The following PRKG2 variants were observed in gnomAD, a reference collection of about 807,000 sequenced individuals.
The protein encoded by PRKG2 is cGMP-dependent protein kinase 2.
PRKG2 carries 33 observed loss-of-function variants against 97.2 expected under a neutral mutation model. The ratio of observed to expected loss-of-function variants is 0.34; its 90% CI spans 0.26 to 0.45. The LOEUF (loss-of-function observed/expected upper bound fraction) is 0.45. PRKG2 is among the 20% of genes least tolerant of loss of function. The probability of loss-of-function intolerance (pLI) is 1.00; values close to 1 mark genes in which losing one functional copy is unlikely to be tolerated. For synonymous variants in PRKG2, 330 were observed against 321.8 expected, an observed-to-expected ratio of 1.03 and a Z score of -0.27; for missense variants, 638 against 900.0, an observed-to-expected ratio of 0.71 and a Z score of 3.73.
At chr4:81,190,645 C>G (rs564994526) in intron 2 of PRKG2, among the ~76,000 whole-genome samples, 96 of 152,210 alleles carry the variant, frequency 6.3e-4, no homozygotes, top group African/African-American at 2.1e-3. Flanking sequence ...TCAGAATGAA[C>G]AGGCAACCTA....
At chr4:81,148,260 CTTCA>C (rs1014829397) in intron 9 of PRKG2, among the ~76,000 whole-genome samples, 11 of 151,966 alleles carry the variant, frequency 7.2e-5, no homozygotes, top group Admixed American at 2.0e-4. Flanking sequence ...ACTGAATTTC[CTTCA>C]TTTTGTCAAG....
chr4:81,212,750 A>T (rs995744304), intron 1 of PRKG2, among the ~76,000 whole-genome samples: 5 of 152,192 alleles, frequency 3.3e-5, no homozygotes, highest in African/African-American at 9.7e-5. Flanking sequence ...AGTGCCCAGG[A>T]TATTAGCGAT....
At chr4:81,091,245 T>A (rs1324437627) in intron 18 of PRKG2, among the ~76,000 whole-genome samples, 1 of 152,072 alleles carries the variant, frequency 6.6e-6, no homozygotes, top group Non-Finnish European at 1.5e-5. Flanking sequence ...AGTAGACATG[T>A]TTAAAGGAAT....
At chr4:81,095,443 A>C (rs1024463479) in intron 17 of PRKG2, among the ~76,000 whole-genome samples, 3 of 152,312 alleles carry the variant, frequency 2.0e-5, no homozygotes, top group South Asian at 4.1e-4. Flanking sequence ...CAAATATGGC[A>C]ACAATTCCTT....
intron 15 of PRKG2, among the ~76,000 whole-genome samples, chr4:81,106,479 A>G (rs1404780765): frequency 1.3e-5 from 2 of 152,168 alleles, no homozygotes; most frequent in Non-Finnish European, 2.9e-5. Context: ...GGGCTATCAG[A>G]AGGACCTGGG....
chr4:81,167,294 C>T (rs1041507167), intron 5 of PRKG2, 70 bp from the exon 6 acceptor site: 2 of 981,328 alleles, frequency 2.0e-6, no homozygotes, highest in Admixed American at 6.0e-5. Context: ...TATGCAGATT[C>T]TAAAATCTTT....
rs1336258256 is a variant in PRKG2 at position 81,105,714 on chromosome 4, C to T, written c.2063+99G>A. 5 of 1,497,888 alleles carry T rather than the reference C, an allele frequency of 3.3e-6. No individual in the cohort carries two copies. The South Asian group carries it at 5.4e-5, about 16-fold the overall frequency. 92.8% of individuals were successfully genotyped at this position (1,497,888 alleles called of 1,614,324 possible). Reference sequence around the variant, plus strand: ...ATAATTTGCCTATATAAAAACAGCACAAAAAGTAAATATGCACCTAATTTT... The same window carrying T: ...ATAATTTGCCTATATAAAAACAGCATAAAAAGTAAATATGCACCTAATTTT... On this transcript the variant is annotated intron_variant, in intron 16 of 18. Coordinates refer to ENST00000264399, the MANE Select transcript of PRKG2 (RefSeq NM_006259.3).
At chr4:81,156,711 A>G (rs1317809009) in intron 6 of PRKG2, among the ~76,000 whole-genome samples, 4 of 152,220 alleles carry the variant, frequency 2.6e-5, no homozygotes, top group African/African-American at 9.6e-5. Flanking sequence ...GTAAAAGAAC[A>G]GAAATTATAA....
chr4:81,148,029 A>C (rs1377454116), intron 9 of PRKG2, among the ~76,000 whole-genome samples: 2 of 152,086 alleles, frequency 1.3e-5, no homozygotes, highest in African/African-American at 4.8e-5. Flanking sequence ...GATATGTTTA[A>C]AATTTTCTAT....
chr4:81,191,239 A>G (rs914978173), intron 2 of PRKG2, among the ~76,000 whole-genome samples: 1 of 152,214 alleles, frequency 6.6e-6, no homozygotes, highest in African/African-American at 2.4e-5. Context: ...TACACCACGG[A>G]ATACTATGCA....
chr4:81,200,968 T>C (rs77071127), intron 2 of PRKG2, among the ~76,000 whole-genome samples: 10,497 of 152,130 alleles, frequency 0.069, 598 homozygotes, highest in East Asian at 0.31. Flanking sequence ...ATACTGCAGG[T>C]TGGGTGCAGC....
intron 14 of PRKG2, among the ~76,000 whole-genome samples, chr4:81,125,572 T>G (rs1220593282): frequency 6.6e-6 from 1 of 152,204 alleles, no homozygotes; most frequent in East Asian, 1.9e-4. Flanking sequence ...AAAGTTGTTA[T>G]AAAATTTGTG....
At position 81,106,172 on chromosome 4, in the gene PRKG2, T is replaced by C. The variant is rs78032096; in HGVS notation, c.1941-237A>G. 4.1e-3 allele frequency among the ~76,000 whole-genome samples: 619 copies of C among 152,276 alleles called. 5 individuals carry two copies. Among genetic ancestry groups the C allele is most frequent in the African/African-American group, 0.014 (594 of 41,548 alleles). On this transcript the variant is annotated intron_variant, in intron 15 of 18. Transcript: ENST00000264399. Reference sequence around the variant, plus strand: ...ATACAGGTAATTGGTCATGTGTCGATAATCACTAATAATAAAATAAAGAAA... The same window carrying C: ...ATACAGGTAATTGGTCATGTGTCGACAATCACTAATAATAAAATAAAGAAA...
intron 8 of PRKG2, among the ~76,000 whole-genome samples, chr4:81,151,116 T>G (rs1748356535): frequency 1.3e-5 from 2 of 152,108 alleles, no homozygotes; most frequent in South Asian, 4.1e-4. Flanking sequence ...GAATTGGGGT[T>G]TCATAGGCAA....
chr4:81,208,969 TG>T (rs1199139677), intron 1 of PRKG2, among the ~76,000 whole-genome samples: 6 of 152,162 alleles, frequency 3.9e-5, no homozygotes, highest in Non-Finnish European at 8.8e-5. Context: ...GCTTAAAACA[TG>T]GAGGCCCACC....
At chr4:81,195,003 A>C (rs1486698783) in intron 2 of PRKG2, among the ~76,000 whole-genome samples, 2 of 152,142 alleles carry the variant, frequency 1.3e-5, no homozygotes, top group Non-Finnish European at 2.9e-5. Flanking sequence ...CCTGGGGGTT[A>C]GACCCAGGCA....
chr4:81,103,249 T>A (rs1312046496), intron 17 of PRKG2, among the ~76,000 whole-genome samples: 2 of 152,210 alleles, frequency 1.3e-5, no homozygotes, highest in Non-Finnish European at 2.9e-5. Flanking sequence ...CATGTTGGTG[T>A]GCTGCACCCA....
intron 9 of PRKG2, among the ~76,000 whole-genome samples, chr4:81,148,114 TG>T (rs1184435565): frequency 6.6e-6 from 1 of 152,184 alleles, no homozygotes; most frequent in East Asian, 1.9e-4. Context: ...CAATAAATGT[TG>T]TATTTAACAG....
intron 6 of PRKG2, among the ~76,000 whole-genome samples, chr4:81,160,104 T>TATA: frequency 6.6e-6 from 1 of 151,896 alleles, no homozygotes; most frequent in South Asian, 2.1e-4. Flanking sequence ...AAACTTAAAG[T>TATA]ATAATAATAA....
Sources: allele counts gnomAD v4.1 joint callset (sites outside exome capture counted in the v4.1 genomes callset), GRCh38; gene constraint gnomAD v4.1.1; transcripts MANE v1.5; gene names NCBI Gene and HGNC (gene_info 2026-07-23, HGNC 2026-07-21).